The following DPH7 variants were observed in gnomAD, a reference collection of about 807,000 sequenced individuals.
DPH7 encodes diphthine methyltransferase.
In DPH7, 44 loss-of-function variants were observed where a neutral mutation model predicts 41.7. The observed-to-expected ratio is 1.05, with a 90% CI of 0.83 to 1.36. The LOEUF is 1.36. Ranked by LOEUF, DPH7 falls within the 40% of genes most tolerant of loss-of-function variation. The pLI, the probability that DPH7 is intolerant of heterozygous loss-of-function variation, is 0.00. For synonymous variants in DPH7, 275 were observed against 238.0 expected (o/e 1.16, Z -1.43); for missense variants, 629 against 577.5 (o/e 1.09, Z -0.91).
At position 137,556,561 on chromosome 9, in the gene DPH7, G is replaced by A. The variant is rs927841074; in HGVS notation, c.950-913C>T. 1.3e-5 allele frequency: 4 copies of A among 314,496 alleles called. No homozygotes were observed. The highest frequency in any genetic ancestry group is 4.2e-5 in the Admixed American group (1 of 23,756). The allele number at this position is 314,496 out of a possible 1,614,324, so 19.5% of individuals were successfully genotyped here. On this transcript the variant is annotated intron_variant, in intron 8 of 8. Transcript: ENST00000277540. This position sits in a 1 kb window ranked among gnomAD's most constrained non-coding sequence, Gnocchi z 5.2. Reference sequence around the variant, plus strand: ...TGCCGAGGTTGTATGGGCCTGGGCCGGGGAGGCCCAACCCTGGGCCCAGGG... The same window carrying A: ...TGCCGAGGTTGTATGGGCCTGGGCCAGGGAGGCCCAACCCTGGGCCCAGGG...
chr9:137,564,401 C>G lies in DPH7; in HGVS notation c.949+33G>C. The G allele has an allele frequency of 1.3e-6, 2 of 1,595,262 alleles. 1 individual carries two copies. Among genetic ancestry groups the G allele is most frequent in the Non-Finnish European group, 1.7e-6 (2 of 1,168,572 alleles). On this transcript the variant is annotated intron_variant, in intron 8 of 8. Transcript: ENST00000277540. ...AGGGGGCAGGGAACTGGTGCCCTGC[C>G]CTGAGGCCCAGCAGCCACGGGTCCC...
rs148776559 is a variant in DPH7 at position 137,561,484 on chromosome 9, A to C, written c.949+2950T>G. Among the ~76,000 whole-genome samples, 137 of 144,960 alleles carry C rather than the reference A, an allele frequency of 9.5e-4. 2 individuals are homozygous for C. In the East Asian group the frequency reaches 0.025, roughly 27 times the overall value. On this transcript the variant is annotated intron_variant, in intron 8 of 8. Transcript: ENST00000277540. ...CGTGAACCCGGAAGGTGGAGGTTGC[A>C]GTGAGCCAAGATAGCGCCACTGCAT...
At chr9:137,571,948 G>A (rs1407995067) in intron 5 of DPH7, among the ~76,000 whole-genome samples, 1 of 152,096 alleles carries the variant, frequency 6.6e-6, no homozygotes, top group Non-Finnish European at 1.5e-5. Context: ...ATTGCCCTAC[G>A]GTACCTTTGC....
chr9:137,574,320 C>T lies in DPH7; in HGVS notation c.528G>A (p.Leu176=). 6.2e-7 allele frequency: 1 copy of T among 1,614,202 alleles called. No homozygotes were observed. Among genetic ancestry groups the T allele is most frequent in the Non-Finnish European group, 8.5e-7 (1 of 1,180,030 alleles). ...GCCTGGGCCTCGTCTCATTCACCAT[C>T]AGGAGGTGGAGCTGCCCTGTGGAGT... ...SSDSTGQLHL[L]MVNETRPRLQ... Residue 176 remains leucine (L), a synonymous_variant, in exon 5 of 9, where the codon CTG becomes CTA. Coordinates refer to ENST00000277540, the MANE Select transcript of DPH7 (RefSeq NM_138778.5).
intron 8 of DPH7, 69 bp downstream of exon 8, chr9:137,564,365 C>T: frequency 1.3e-6 from 2 of 1,545,870 alleles, no homozygotes; most frequent in South Asian, 2.4e-5. Flanking sequence ...AGGGAAGAGC[C>T]CAGCAGAGCG....
chr9:137,572,813 T>A (rs1006124978), intron 5 of DPH7, among the ~76,000 whole-genome samples: 1 of 152,236 alleles, frequency 6.6e-6, no homozygotes, highest in African/African-American at 2.4e-5. Flanking sequence ...ATGCTTCCTT[T>A]ATTTCTGGAA....
intron 8 of DPH7, among the ~76,000 whole-genome samples, chr9:137,560,936 C>A (rs1428598897): frequency 1.4e-5 from 2 of 144,986 alleles, no homozygotes; most frequent in Non-Finnish European, 3.0e-5. Context: ...GCAGGAGAAT[C>A]GCTTGAACCC....
Position 137,556,609 on chromosome 9 carries a change from C to T in DPH7, c.950-961G>A, listed in dbSNP as rs1489438842. 1.7e-5 allele frequency: 6 copies of T among 343,212 alleles called. No homozygotes were observed. Among genetic ancestry groups the T allele is most frequent in the Non-Finnish European group, 3.5e-5 (6 of 173,286 alleles). 21.3% of individuals were successfully genotyped at this position (343,212 alleles called of 1,614,324 possible). A position where few individuals can be genotyped will look rare whatever the true frequency, so the allele number is the denominator to read the frequency against. On this transcript the variant is annotated intron_variant, in intron 8 of 8. Coordinates refer to ENST00000277540, the MANE Select transcript of DPH7 (RefSeq NM_138778.5). The surrounding 1 kb of genome is among the most constrained non-coding windows in gnomAD (Gnocchi z 5.2). ...GGGCTTCAACTGGGCAGAGGTGGCT[C>T]CGAGGAGGAGTGAGATGCTGAATGT...
At chr9:137,573,170 G>T (rs534129349) in intron 5 of DPH7, among the ~76,000 whole-genome samples, 1 of 151,634 alleles carries the variant, frequency 6.6e-6, no homozygotes, top group African/African-American at 2.4e-5. Context: ...GACCACCCTG[G>T]CTAACACAGT....
In DPH7 at chr9:137,578,676, C is replaced by T; in HGVS notation, c.102G>A (p.Gly34=). Residue 34 remains glycine (G), a synonymous_variant, in exon 1 of 9, where the codon GGG becomes GGA. Transcript: ENST00000277540. ...CCTCCGGCCGCCGCAGCTGGTAGGT[C>T]CCGCACGCCAGCAGGTGCCTGCAGC... ...LQGCRHLLAC[G]TYQLRRPEDR... The T allele has an allele frequency of 6.5e-7, 1 of 1,527,994 alleles. No homozygotes were observed. The highest frequency in any genetic ancestry group is 8.8e-7 in the Non-Finnish European group (1 of 1,139,254). The allele number at this position is 1,527,994 out of a possible 1,614,324, so 94.7% of individuals were successfully genotyped here. A position where few individuals can be genotyped will look rare whatever the true frequency, so the allele number is the denominator to read the frequency against.
At position 137,577,432 on chromosome 9, in the gene DPH7, G is replaced by C. The variant is rs767510224; in HGVS notation, c.287+38C>G. Reference sequence around the variant, plus strand: ...TCAGGCTTCCCTGATTGCTACTCATGACAAATTCTACACCCAGTGGGATTA... The same window carrying C: ...TCAGGCTTCCCTGATTGCTACTCATCACAAATTCTACACCCAGTGGGATTA... On this transcript the variant is annotated intron_variant, in intron 2 of 8. Transcript: ENST00000277540. 1.7e-5 allele frequency: 27 copies of C among 1,599,116 alleles called. No individual in the cohort carries two copies. The African/African-American group carries it at 2.5e-4, about 15-fold the overall frequency.
intron 8 of DPH7, among the ~76,000 whole-genome samples, chr9:137,562,689 C>A (rs983968177): frequency 6.6e-5 from 10 of 151,822 alleles, no homozygotes; most frequent in Non-Finnish European, 8.8e-5. Flanking sequence ...TGGTTTGAGC[C>A]CAGGGGCTGG....
Position 137,572,177 on chromosome 9 carries a change from C to T in DPH7, c.640+2031G>A, listed in dbSNP as rs188709959. Among the ~76,000 whole-genome samples the T allele has an allele frequency of 1.0e-3, 156 of 152,240 alleles. 1 individual carries two copies. Among genetic ancestry groups the T allele is most frequent in the African/African-American group, 3.7e-3 (153 of 41,528 alleles). Reference sequence around the variant, plus strand: ...AGGACAGCTGCTCTGCGTCAGTCTTCTAAGGACAAGATTTTAAGCTGGGCA... The same window carrying T: ...AGGACAGCTGCTCTGCGTCAGTCTTTTAAGGACAAGATTTTAAGCTGGGCA... On this transcript the variant is annotated intron_variant, in intron 5 of 8. Coordinates refer to ENST00000277540, the MANE Select transcript of DPH7 (RefSeq NM_138778.5).
At chr9:137,578,144 G>T in intron 1 of DPH7, 1 of 182,384 alleles carries the variant, frequency 5.5e-6, no homozygotes, top group South Asian at 1.9e-4. Context: ...GGGTGACAGT[G>T]CAAGACCTTG....
rs759762863 is a variant in DPH7 at position 137,555,583 on chromosome 9, C to T, written c.1015G>A (p.Asp339Asn). Residue 339 changes from aspartate (D) to asparagine (N), a missense_variant, in exon 9 of 9, where the codon GAC becomes AAC. Physicochemically the swap from Asp to Asn is conservative, Grantham distance 23. Transcript: ENST00000277540. ...TLPDSLVYGA[D>N]WSWLLFRSLQ... ...GAACGGAAGAGCAGCCAGGACCAGT[C>T]GGCTCCATACACCAGCGAGTCGGGC... is the stretch of plus-strand genomic sequence containing the variant. 20 of 1,613,372 alleles carry T rather than the reference C, an allele frequency of 1.2e-5. No individual in the cohort carries two copies. The highest frequency in any genetic ancestry group is 5.0e-5 in the Admixed American group (3 of 59,960).
At chr9:137,576,002 C>G in intron 3 of DPH7, 78 bp downstream of exon 3, 1 of 1,596,192 alleles carries the variant, frequency 6.3e-7, no homozygotes, top group Non-Finnish European at 8.6e-7. Context: ...AGAAAAATGT[C>G]TGTATCAGCA....
rs1263670436 is a variant in DPH7 at position 137,554,711 on chromosome 9, G to T, written c.*528C>A. Among the ~76,000 whole-genome samples, 1 of 152,076 alleles carries T rather than the reference G, an allele frequency of 6.6e-6. No homozygotes were observed. The highest frequency in any genetic ancestry group is 1.5e-5 in the Non-Finnish European group (1 of 68,008). On this transcript the variant is annotated 3_prime_UTR_variant, in exon 9 of 9. Transcript: ENST00000277540. Reference sequence around the variant, plus strand: ...TGCCTCAGCCCCTTCCAAAGTGCTGGGATTACAGGCCACTGTGACTGTGCT... The same window carrying T: ...TGCCTCAGCCCCTTCCAAAGTGCTGTGATTACAGGCCACTGTGACTGTGCT...
intron 3 of DPH7, chr9:137,575,421 C>G: frequency 1.0e-6 from 1 of 988,726 alleles, no homozygotes; most frequent in Non-Finnish European, 1.2e-6. Flanking sequence ...TCATGCACTC[C>G]TCCCTTGGGC....
At chr9:137,575,035 C>T in intron 3 of DPH7, 192 bp from the exon 4 acceptor site, 2 of 1,392,728 alleles carry the variant, frequency 1.4e-6, no homozygotes, top group Non-Finnish European at 1.9e-6. Context: ...CCTGGGGACA[C>T]TGGAGCTCAC....
Sources: gnomAD v4.1 joint callset for allele counts (sites outside exome capture counted in the v4.1 genomes callset) on GRCh38, gnomAD v4.1.1 for gene constraint, Gnocchi (gnomAD v3.1) non-coding constraint, MANE v1.5 for transcripts, NCBI Gene and HGNC (gene_info 2026-07-23, HGNC 2026-07-21) for gene names.